The following MTMR9 variants were observed in gnomAD, a reference collection of about 807,000 sequenced individuals.
MTMR9 encodes the protein myotubularin-related protein 9.
MTMR9 carries 39 observed loss-of-function variants against 69.5 expected under a neutral mutation model. The ratio of observed to expected loss-of-function variants is 0.56; its 90% CI spans 0.43 to 0.73. The LOEUF (loss-of-function observed/expected upper bound fraction) is 0.73, where lower values mean the gene tolerates loss of function less well. MTMR9 is among the 30% of genes least tolerant of loss of function. The pLI, the probability that MTMR9 is intolerant of heterozygous loss-of-function variation, is 0.00. For missense variants in MTMR9, 900 were observed against 671.2 expected (o/e 1.34, Z -3.77); for synonymous variants, 354 against 240.8 (o/e 1.47, Z -4.35).
chr8:11,315,714 C>G (rs562089712), intron 7 of MTMR9: 1 of 152,556 alleles, frequency 6.6e-6, no homozygotes, highest in Non-Finnish European at 1.5e-5. Context: ...AATGCTGTTA[C>G]GTACACCATG....
downstream of MTMR9, among the ~76,000 whole-genome samples, chr8:11,329,433 C>G (rs570337810): frequency 6.6e-6 from 1 of 152,352 alleles, no homozygotes; most frequent in Non-Finnish European, 1.5e-5. Context: ...CCTGCCTCAG[C>G]CTGCCGAGTG....
chr8:11,325,430 G>C lies in MTMR9; in HGVS notation c.*2642G>C, dbSNP rs1800886925. The C allele has an allele frequency of 6.6e-6, 1 of 152,168 alleles. No individual in the cohort carries two copies. The highest frequency in any genetic ancestry group is 6.5e-5 in the Admixed American group (1 of 15,268). The allele number at this position is 152,168 out of a possible 1,614,324, so 9.4% of individuals were successfully genotyped here. On this transcript the variant is annotated 3_prime_UTR_variant, in exon 10 of 10. Transcript: ENST00000221086. ...GTTAAACACTTGAATGAAGAGAATG[G>C]TGGCAGAATGAGTGAGCAAGCAGAT...
intron 2 of MTMR9, among the ~76,000 whole-genome samples, chr8:11,297,282 A>G (rs1004908915): frequency 6.6e-6 from 1 of 152,262 alleles, no homozygotes; most frequent in African/African-American, 2.4e-5. Flanking sequence ...TAAATGGTAC[A>G]TAACACATTT....
Position 11,295,050 on chromosome 8 carries a change from G to A in MTMR9, c.183-144G>A. On this transcript the variant is annotated intron_variant, in intron 1 of 9. Transcript: ENST00000221086. ...GTATGGCTCACATTTTAATGATGCA[G>A]CCTTGCTTCTTCCTTAATTAGACTG... The A allele has an allele frequency of 7.8e-6, 4 of 512,282 alleles. No individual in the cohort carries two copies. The East Asian group carries it at 1.3e-4, about 16-fold the overall frequency. 31.7% of individuals were successfully genotyped at this position (512,282 alleles called of 1,614,324 possible). A position where few individuals can be genotyped will look rare whatever the true frequency, so the allele number is the denominator to read the frequency against.
chr8:11,322,671 A>G lies in MTMR9; in HGVS notation c.1533A>G (p.Ala511=), dbSNP rs976607694. The part of the protein sequence containing the change: ...WNRSSKYLDE[A]YEEMVNIIEY... Reference sequence around the variant, plus strand: ...GATCCTCTAAGTATTTGGATGAAGCATATGAAGAAATGGTTAACATCATTG... The same window carrying G: ...GATCCTCTAAGTATTTGGATGAAGCGTATGAAGAAATGGTTAACATCATTG... The change falls in exon 10 of 10, where the codon GCA becomes GCG. Residue 511 remains alanine (A), a synonymous_variant. Transcript: ENST00000221086. The G allele has an allele frequency of 6.2e-7, 1 of 1,613,812 alleles. No individual in the cohort carries two copies.
intron 1 of MTMR9, among the ~76,000 whole-genome samples, chr8:11,290,664 G>A (rs2117355179): frequency 6.6e-6 from 1 of 152,174 alleles, no homozygotes; most frequent in Non-Finnish European, 1.5e-5. Flanking sequence ...GAGCAAGCCA[G>A]TTTTCTTAAT....
At chr8:11,296,222 T>C (rs912396091) in intron 2 of MTMR9, among the ~76,000 whole-genome samples, 1 of 152,222 alleles carries the variant, frequency 6.6e-6, no homozygotes, top group South Asian at 2.1e-4. Flanking sequence ...CTCTCTGATT[T>C]GTTTTCTACG....
chr8:11,303,161 A>G (rs1317139017), intron 3 of MTMR9, among the ~76,000 whole-genome samples: 1 of 148,232 alleles, frequency 6.7e-6, no homozygotes, highest in Non-Finnish European at 1.5e-5. Context: ...TTGAAGAACA[A>G]AAAGGTGAGA....
At chr8:11,313,934 A>G (rs1188450033) in intron 6 of MTMR9, among the ~76,000 whole-genome samples, 1 of 152,260 alleles carries the variant, frequency 6.6e-6, no homozygotes, top group African/African-American at 2.4e-5. Flanking sequence ...GACGTGGGAT[A>G]GCTGCAAATC....
At chr8:11,296,090 CAT>C (rs1483852804) in intron 2 of MTMR9, among the ~76,000 whole-genome samples, 3 of 131,258 alleles carry the variant, frequency 2.3e-5, no homozygotes, top group African/African-American at 7.4e-5. Context: ...ATTATTGTAC[CAT>C]ATTATTACAT....
Position 11,326,250 on chromosome 8 carries a change from G to C in MTMR9, c.*3462G>C, listed in dbSNP as rs1362048060. On this transcript the variant is annotated 3_prime_UTR_variant, in exon 10 of 10. Transcript: ENST00000221086. Reference sequence around the variant, plus strand: ...ATTGTCATTCTAAAGTAGGTCATCAGGTTCACTTATTATCCGACCTTAATC... The same window carrying C: ...ATTGTCATTCTAAAGTAGGTCATCACGTTCACTTATTATCCGACCTTAATC... 2 of 123,678 alleles carry C rather than the reference G, an allele frequency of 1.6e-5. No homozygotes were observed. Among genetic ancestry groups the C allele is most frequent in the Non-Finnish European group, 3.8e-5 (2 of 52,696 alleles). The allele number at this position is 123,678 out of a possible 1,614,324, so 7.7% of individuals were successfully genotyped here.
chr8:11,286,647 C>G (rs142247241), intron 1 of MTMR9, among the ~76,000 whole-genome samples: 142 of 94,276 alleles, frequency 1.5e-3, no homozygotes, highest in African/African-American at 6.0e-3. Context: ...TCCTTTGCAA[C>G]AAGAGCAAAA....
downstream of MTMR9, among the ~76,000 whole-genome samples, chr8:11,328,612 A>G (rs536318224): frequency 9.2e-5 from 14 of 152,370 alleles, no homozygotes; most frequent in South Asian, 2.1e-4. Context: ...ACTATTTGGC[A>G]TATTATTACA....
chr8:11,285,066 A>C lies in MTMR9; in HGVS notation c.178A>C (p.Lys60Gln), dbSNP rs1300177779. 1.9e-6 allele frequency: 3 copies of C among 1,603,570 alleles called. No individual in the cohort carries two copies. Among genetic ancestry groups the C allele is most frequent in the African/African-American group, 1.3e-5 (1 of 74,480 alleles). Residue 60 changes from lysine to glutamine, a missense_variant, in exon 1 of 10, where the codon AAG becomes CAG. Coordinates refer to ENST00000221086, the MANE Select transcript of MTMR9 (RefSeq NM_015458.4). ...CCATTCAAACATCGACGCCATCGAC[A>C]AGCGGTGAGTGCCCGCCCCACCCCA... ...LLHSNIDAID[K>Q]RFVGSLGTII...
Position 11,316,831 on chromosome 8 carries a change from G to A in MTMR9, c.1272G>A (p.Met424Ile), listed in dbSNP as rs143033220. 2 of 1,613,594 alleles carry A rather than the reference G, an allele frequency of 1.2e-6. No homozygotes were observed. The highest frequency in any genetic ancestry group is 2.7e-5 in the African/African-American group (2 of 74,856). The change falls in exon 8 of 10, where the codon ATG (methionine) becomes ATA (isoleucine). Residue 424 changes from methionine (M) to isoleucine (I), a missense_variant. Physicochemically the swap from Met to Ile is conservative, Grantham distance 10. Coordinates refer to ENST00000221086, the MANE Select transcript of MTMR9 (RefSeq NM_015458.4). ...SFEFNENFLI[M>I]LFEHAYASQF... Reference sequence around the variant, plus strand: ...AGTTTAATGAGAATTTCCTCATCATGCTCTTTGAGCATGCTTATGCCTCAC... The same window carrying A: ...AGTTTAATGAGAATTTCCTCATCATACTCTTTGAGCATGCTTATGCCTCAC...
intron 5 of MTMR9, among the ~76,000 whole-genome samples, chr8:11,307,659 C>T (rs1254231657): frequency 6.6e-6 from 1 of 152,172 alleles, no homozygotes; most frequent in Non-Finnish European, 1.5e-5. Flanking sequence ...TTTACATTCC[C>T]ACCAGCATTG....
intron 3 of MTMR9, chr8:11,300,832 A>G (rs1184000710): frequency 6.6e-6 from 1 of 152,274 alleles, no homozygotes; most frequent in East Asian, 1.9e-4. Context: ...AGAGATCTAA[A>G]TAAAAGGAGA....
chr8:11,331,391 G>C (rs771008447), downstream of MTMR9: 1 of 1,613,926 alleles, frequency 6.2e-7, no homozygotes. Flanking sequence ...ACCCCCTTCT[G>C]GGACCTCCTG....
rs111834996 is a variant in MTMR9 at position 11,323,298 on chromosome 8, A to G, written c.*510A>G. 6.6e-6 allele frequency: 1 copy of G among 152,192 alleles called. No homozygotes were observed. Among genetic ancestry groups the G allele is most frequent in the Non-Finnish European group, 1.5e-5 (1 of 68,044 alleles). 9.4% of individuals were successfully genotyped at this position (152,192 alleles called of 1,614,324 possible). A position where few individuals can be genotyped will look rare whatever the true frequency, so the allele number is the denominator to read the frequency against. On this transcript the variant is annotated 3_prime_UTR_variant, in exon 10 of 10. Transcript: ENST00000221086. Reference sequence around the variant, plus strand: ...TTCCAGTGTCTTCGCCACATAAAATAGCCATTTTCTTTAAAATAGTTTTGG... The same window carrying G: ...TTCCAGTGTCTTCGCCACATAAAATGGCCATTTTCTTTAAAATAGTTTTGG...
Sources: gnomAD v4.1 joint callset for allele counts (sites outside exome capture counted in the v4.1 genomes callset) on GRCh38, gnomAD v4.1.1 for gene constraint, MANE v1.5 for transcripts, NCBI Gene and HGNC (gene_info 2026-07-23, HGNC 2026-07-21) for gene names.